Variants in LPAR1 observed in about 807,000 individuals in gnomAD.
LPAR1 encodes LPA receptor 1.
LPAR1 carries 5 observed loss-of-function variants against 23.8 expected under a neutral mutation model. That is an observed-to-expected ratio of 0.21 (90% CI 0.11 to 0.44). The LOEUF (loss-of-function observed/expected upper bound fraction) is 0.44, where lower values mean the gene tolerates loss of function less well. Ranked by LOEUF, LPAR1 falls within the 20% of genes least tolerant of loss-of-function variation. The pLI, the probability that LPAR1 is intolerant of heterozygous loss-of-function variation, is 0.99. For synonymous variants in LPAR1, 160 were observed against 164.7 expected (o/e 0.97, Z 0.22); for missense variants, 311 against 482.8 (o/e 0.64, Z 3.33).
At chr9:110,905,350 T>TTA (rs370408698) in intron 5 of LPAR1, among the ~76,000 whole-genome samples, 135 of 83,154 alleles carry the variant, frequency 1.6e-3, no homozygotes, top group African/African-American at 4.6e-3. Context: ...TTTTTTATTA[T>TTA]TTTTTTTTTT....
rs563627309 is a variant in LPAR1, at chr9:110,931,835, T to C, written c.793+9586A>G. Among the ~76,000 whole-genome samples the C allele has an allele frequency of 2.0e-5, 3 of 152,396 alleles. No individual in the cohort carries two copies. The South Asian group carries it at 6.2e-4, about 32-fold the overall frequency. On this transcript the variant is annotated intron_variant, in intron 5 of 5. Coordinates refer to ENST00000683809, the MANE Select transcript of LPAR1 (RefSeq NM_001351411.2). Reference sequence around the variant, plus strand: ...TTGTCAAAGATCAGATGGTTGTAGATATGTGGCATTATTTCTGAGGGCTCT... The same window carrying C: ...TTGTCAAAGATCAGATGGTTGTAGACATGTGGCATTATTTCTGAGGGCTCT...
Position 110,972,135 on chromosome 9 carries a change from A to G in LPAR1, c.-18T>C. On this transcript the variant is annotated 5_prime_UTR_variant, in exon 4 of 6. Coordinates refer to ENST00000683809, the MANE Select transcript of LPAR1 (RefSeq NM_001351411.2). ...GCAGCCATGACAGCTCTGTGGTTGT[A>G]GGTGGTGAACACGCCCCAGAACTAC... The G allele has an allele frequency of 6.2e-7, 1 of 1,613,474 alleles. No individual in the cohort carries two copies. Among genetic ancestry groups the G allele is most frequent in the Non-Finnish European group, 8.5e-7 (1 of 1,179,414 alleles).
chr9:110,961,851 G>A (rs10980661), intron 4 of LPAR1, among the ~76,000 whole-genome samples: 57,746 of 151,712 alleles, frequency 0.38, 11,739 homozygotes, highest in Non-Finnish European at 0.44. Flanking sequence ...ACCCACCCCC[G>A]TGATTCAATT....
intron 5 of LPAR1, among the ~76,000 whole-genome samples, chr9:110,930,666 A>C (rs955203288): frequency 1.3e-5 from 2 of 152,122 alleles, no homozygotes; most frequent in African/African-American, 4.8e-5. Flanking sequence ...GGTAGCTCCC[A>C]GCACTTTGGG....
At chr9:110,969,691 A>C (rs2138042466) in intron 4 of LPAR1, among the ~76,000 whole-genome samples, 1 of 152,110 alleles carries the variant, frequency 6.6e-6, no homozygotes, top group African/African-American at 2.4e-5. Context: ...CAGCCTGGGC[A>C]ATAGAATGAG....
At chr9:110,952,578 C>T (rs927543194) in intron 4 of LPAR1, among the ~76,000 whole-genome samples, 1 of 152,186 alleles carries the variant, frequency 6.6e-6, no homozygotes, top group Admixed American at 6.5e-5. Flanking sequence ...CTGCTGCCCA[C>T]GATAGCAGGG....
chr9:110,966,177 C>T (rs542394765), intron 4 of LPAR1, among the ~76,000 whole-genome samples: 25 of 151,826 alleles, frequency 1.6e-4, no homozygotes, highest in African/African-American at 5.8e-4. Context: ...CTATTGTATG[C>T]GGGCTTAAAA....
intron 2 of LPAR1, among the ~76,000 whole-genome samples, chr9:111,015,002 T>C (rs2097413003): frequency 2.6e-5 from 4 of 151,920 alleles, no homozygotes. Flanking sequence ...CCTAATCCAA[T>C]ATGACTAGGG....
chr9:110,945,694 G>A (rs1029429220), intron 4 of LPAR1, among the ~76,000 whole-genome samples: 1 of 152,168 alleles, frequency 6.6e-6, no homozygotes, highest in Non-Finnish European at 1.5e-5. Flanking sequence ...AAATCACCGG[G>A]AAGGCAAAGC....
At chr9:111,031,532 G>C (rs569156574) in intron 2 of LPAR1, among the ~76,000 whole-genome samples, 221 of 152,160 alleles carry the variant, frequency 1.5e-3, no homozygotes, top group Non-Finnish European at 3.4e-4. Context: ...AATAGCTTGA[G>C]CCCAGGAGGT....
At chr9:110,928,217 A>G (rs538479476) in intron 5 of LPAR1, among the ~76,000 whole-genome samples, 1 of 152,288 alleles carries the variant, frequency 6.6e-6, no homozygotes, top group Admixed American at 6.5e-5. Flanking sequence ...ATAGAAATGA[A>G]TATTTTTTGT....
rs2096444149 is a variant in LPAR1 at position 110,972,113 on chromosome 9, G to T, written c.5C>A (p.Ala2Asp). 8.1e-6 allele frequency: 13 copies of T among 1,613,810 alleles called. No homozygotes were observed. Among genetic ancestry groups the T allele is most frequent in the Non-Finnish European group, 1.1e-5 (13 of 1,179,736 alleles). M[A>D]AISTSIPVIS... ...TACAGGGATGGAAGTAGAGATGGCA[G>T]CCATGACAGCTCTGTGGTTGTAGGT... The change falls in exon 4 of 6, where the codon GCT becomes GAT. Residue 2 changes from alanine (A) to aspartate (D), a missense_variant. By Grantham distance (126) the Ala-to-Asp change is moderately radical (BLOSUM62 -2). Around this residue, in one of 2 missense-constraint regions of LPAR1, gnomAD observed 61 missense variants for 55.6 expected, o/e 1.10. Transcript: ENST00000683809.
chr9:111,025,943 GT>G (rs2097682795), intron 2 of LPAR1, among the ~76,000 whole-genome samples: 1 of 151,952 alleles, frequency 6.6e-6, no homozygotes, highest in South Asian at 2.1e-4. Context: ...TTGTAGTATA[GT>G]TTGAAGTCAG....
At chr9:111,002,165 T>C (rs2097139846) in intron 2 of LPAR1, among the ~76,000 whole-genome samples, 1 of 152,210 alleles carries the variant, frequency 6.6e-6, no homozygotes, top group Admixed American at 6.5e-5. Context: ...CTTTTTACTT[T>C]ATATAACACT....
chr9:111,035,316 G>A (rs189423376), intron 2 of LPAR1, among the ~76,000 whole-genome samples: 12 of 152,010 alleles, frequency 7.9e-5, no homozygotes, highest in Non-Finnish European at 1.5e-4. Context: ...TTGAATCCTG[G>A]GCTGAAGCCA....
chr9:110,965,937 A>G (rs962934890), intron 4 of LPAR1, among the ~76,000 whole-genome samples: 1 of 152,222 alleles, frequency 6.6e-6, no homozygotes, highest in Non-Finnish European at 1.5e-5. Flanking sequence ...ATGGAATACT[A>G]TGCAGCCATA....
intron 5 of LPAR1, among the ~76,000 whole-genome samples, chr9:110,888,231 T>C (rs1384227484): frequency 6.6e-6 from 1 of 152,176 alleles, no homozygotes; most frequent in Non-Finnish European, 1.5e-5. Context: ...CACAGGTGCA[T>C]TGACTGGAGT....
intron 2 of LPAR1, among the ~76,000 whole-genome samples, chr9:110,996,465 C>CA (rs1013825402): frequency 9.9e-5 from 15 of 151,884 alleles, no homozygotes; most frequent in African/African-American, 2.2e-4. Flanking sequence ...AGTCCGCTTA[C>CA]AAAAAAATAA....
At chr9:110,888,725 T>A (rs938154920) in intron 5 of LPAR1, among the ~76,000 whole-genome samples, 3 of 152,156 alleles carry the variant, frequency 2.0e-5, no homozygotes, top group African/African-American at 7.2e-5. Flanking sequence ...AGCTAGAAAC[T>A]CACGCAGTAA....
Sources: gnomAD v4.1 joint callset for allele counts (sites outside exome capture counted in the v4.1 genomes callset) on GRCh38, gnomAD v4.1.1 for gene constraint, gnomAD v4.1.1 regional missense constraint, MANE v1.5 for transcripts, NCBI Gene and HGNC (gene_info 2026-07-23, HGNC 2026-07-21) for gene names.